Variants in SLC38A1 observed in about 807,000 individuals in gnomAD.
SLC38A1 encodes sodium-coupled neutral amino acid symporter 1.
A neutral mutation model predicts 60.3 loss-of-function variants in SLC38A1; 18 were observed. The ratio of observed to expected loss-of-function variants is 0.30; its 90% CI spans 0.21 to 0.44. The LOEUF (loss-of-function observed/expected upper bound fraction) is 0.44. SLC38A1 is among the 20% of genes least tolerant of loss of function. The pLI is 1.00. For synonymous variants in SLC38A1, 196 were observed against 212.1 expected (o/e 0.92, Z 0.66); for missense variants, 448 against 587.2 (o/e 0.76, Z 2.45).
At chr12:46,259,692 A>C (rs1288397791) in intron 1 of SLC38A1, among the ~76,000 whole-genome samples, 1 of 152,154 alleles carries the variant, frequency 6.6e-6, no homozygotes, top group East Asian at 1.9e-4. Flanking sequence ...CAGAAAAATA[A>C]GTGGTTTTAC....
chr12:46,257,154 T>C (rs1399805087), intron 1 of SLC38A1, among the ~76,000 whole-genome samples: 1 of 152,128 alleles, frequency 6.6e-6, no homozygotes, highest in Non-Finnish European at 1.5e-5. Context: ...TTTCCCCTTT[T>C]AGGGAGGAAA....
At chr12:46,202,670 C>A (rs1279635919) in intron 12 of SLC38A1, among the ~76,000 whole-genome samples, 1 of 152,166 alleles carries the variant, frequency 6.6e-6, no homozygotes, top group East Asian at 1.9e-4. Context: ...GATTATCACC[C>A]ACTTGCAAAA....
intron 3 of SLC38A1, among the ~76,000 whole-genome samples, chr12:46,238,880 C>G (rs551813478): frequency 6.6e-6 from 1 of 152,294 alleles, no homozygotes; most frequent in South Asian, 2.1e-4. Context: ...TATAGTTCCT[C>G]ACAGAGTCAT....
At chr12:46,248,528 A>G (rs1055267156) in intron 1 of SLC38A1, among the ~76,000 whole-genome samples, 3 of 152,194 alleles carry the variant, frequency 2.0e-5, no homozygotes, top group Admixed American at 6.5e-5. Flanking sequence ...CAGACTCATA[A>G]AGCAAGTCCT....
At chr12:46,265,099 T>C (rs954680767) in intron 1 of SLC38A1, among the ~76,000 whole-genome samples, 2 of 152,232 alleles carry the variant, frequency 1.3e-5, no homozygotes, top group African/African-American at 4.8e-5. Flanking sequence ...GCTAACACTA[T>C]ACCAAATACT....
At chr12:46,236,167 A>G (rs1941251586) in intron 3 of SLC38A1, among the ~76,000 whole-genome samples, 1 of 152,220 alleles carries the variant, frequency 6.6e-6, no homozygotes, top group African/African-American at 2.4e-5. Flanking sequence ...TTTTAGCCCC[A>G]GTTTGGAAAA....
chr12:46,212,868 G>C (rs749989815), intron 5 of SLC38A1, among the ~76,000 whole-genome samples: 1 of 152,168 alleles, frequency 6.6e-6, no homozygotes, highest in Non-Finnish European at 1.5e-5. Flanking sequence ...TGGAACTGAG[G>C]CTCAGCTGAA....
intron 1 of SLC38A1, among the ~76,000 whole-genome samples, chr12:46,248,819 G>A (rs1015356016): frequency 6.6e-6 from 1 of 152,224 alleles, no homozygotes; most frequent in East Asian, 1.9e-4. Context: ...ACAACAAACT[G>A]TCTCTCAGAC....
At chr12:46,253,355 C>T (rs887287859) in intron 1 of SLC38A1, among the ~76,000 whole-genome samples, 2 of 152,168 alleles carry the variant, frequency 1.3e-5, no homozygotes, top group Admixed American at 1.3e-4. Flanking sequence ...ACAGACAGAG[C>T]GGCCCCAAGG....
chr12:46,216,746 G>T (rs1438980657), intron 5 of SLC38A1, among the ~76,000 whole-genome samples: 1 of 152,144 alleles, frequency 6.6e-6, no homozygotes, highest in African/African-American at 2.4e-5. Context: ...TGTGGTCCCA[G>T]CTACTCGGGA....
At chr12:46,257,696 C>T (rs1362250361) in intron 1 of SLC38A1, among the ~76,000 whole-genome samples, 1 of 152,182 alleles carries the variant, frequency 6.6e-6, no homozygotes, top group African/African-American at 2.4e-5. Flanking sequence ...CAGGACCCCA[C>T]CACTTACCCA....
intron 6 of SLC38A1, among the ~76,000 whole-genome samples, chr12:46,208,468 T>C (rs1392531309): frequency 6.6e-6 from 1 of 152,212 alleles, no homozygotes; most frequent in Non-Finnish European, 1.5e-5. Flanking sequence ...TCCAGTTAAA[T>C]GGAGTCATGT....
At position 46,198,043 on chromosome 12, in the gene SLC38A1, A is replaced by G. The variant is rs1373990785; in HGVS notation, c.1140T>C (p.Phe380=). 2.5e-6 allele frequency: 4 copies of G among 1,613,736 alleles called. No individual in the cohort carries two copies. In the African/African-American group the frequency reaches 5.3e-5, roughly 22 times the overall value. The change falls in exon 15 of 17, where the codon TTT becomes TTC. Residue 380 remains phenylalanine (F), a synonymous_variant. Transcript: ENST00000398637. ...VLFFTVRSSL[F]ELAKKTKFNL... ...TAAACTTTGTTTTCTTAGCCAGTTC[A>G]AATAAAGATGAACGAACCTGCAAGA... is the stretch of plus-strand genomic sequence containing the variant.
intron 16 of SLC38A1, among the ~76,000 whole-genome samples, chr12:46,191,940 T>C (rs1034288436): frequency 6.6e-6 from 1 of 152,228 alleles, no homozygotes; most frequent in African/African-American, 2.4e-5. Flanking sequence ...TTGTGCCTGA[T>C]TGCCCTAGCC....
Position 46,237,480 on chromosome 12 carries a change from A to G in SLC38A1, c.122+2199T>C, listed in dbSNP as rs1592130084. Among the ~76,000 whole-genome samples the G allele has an allele frequency of 2.0e-5, 3 of 149,730 alleles. No individual in the cohort carries two copies. The Middle Eastern group carries it at 0.01, about 513-fold the overall frequency. On this transcript the variant is annotated intron_variant, in intron 3 of 16. Transcript: ENST00000398637. ...GAACTGAGTCAGAGAAGGAGGGGAA[A>G]TAAAGAAAAACAAACAAACAAACAA...
intron 14 of SLC38A1, 74 bp from the exon 15 acceptor site, chr12:46,198,134 T>G: frequency 1.4e-6 from 2 of 1,469,546 alleles, no homozygotes; most frequent in Non-Finnish European, 1.9e-6. Context: ...GCAGAGTAAC[T>G]GATTTATTGG....
Position 46,229,119 on chromosome 12 carries a change from T to A in SLC38A1, c.314+34A>T, listed in dbSNP as rs577189136. The A allele has an allele frequency of 1.2e-4, 161 of 1,296,306 alleles. No individual in the cohort carries two copies. In the South Asian group the frequency reaches 1.8e-3, roughly 14 times the overall value. The allele number at this position is 1,296,306 out of a possible 1,614,324, so 80.3% of individuals were successfully genotyped here. A position where few individuals can be genotyped will look rare whatever the true frequency, so the allele number is the denominator to read the frequency against. ...ACAGAAACATACAAAAAGTTCAGTTTTAAAATGGAAAGTACCGGCACGTCA... is the reference window on the plus strand; with the variant it reads ...ACAGAAACATACAAAAAGTTCAGTTATAAAATGGAAAGTACCGGCACGTCA... On this transcript the variant is annotated intron_variant, in intron 5 of 16. Transcript: ENST00000398637.
chr12:46,202,021 T>C (rs1592075773), intron 12 of SLC38A1, among the ~76,000 whole-genome samples: 1 of 151,620 alleles, frequency 6.6e-6, no homozygotes, highest in East Asian at 1.9e-4. Context: ...GGTGAAACTC[T>C]GTGTCTACAG....
intron 8 of SLC38A1, among the ~76,000 whole-genome samples, chr12:46,206,908 G>A (rs1308501200): frequency 2.6e-5 from 4 of 152,024 alleles, no homozygotes; most frequent in Non-Finnish European, 4.4e-5. Flanking sequence ...TCAGGCTCTG[G>A]GGAAAATGCA....
Sources: gnomAD v4.1 joint callset for allele counts (sites outside exome capture counted in the v4.1 genomes callset) on GRCh38, gnomAD v4.1.1 for gene constraint, MANE v1.5 for transcripts, NCBI Gene and HGNC (gene_info 2026-07-23, HGNC 2026-07-21) for gene names.